PLEKHA4: variants seen among roughly 807,000 people sequenced by gnomAD.
PLEKHA4 encodes the protein pleckstrin homology domain-containing family A member 4.
Under a neutral mutation model 94.7 loss-of-function variants are expected in PLEKHA4, and 73 were observed. The observed-to-expected ratio is 0.77, with a 90% CI of 0.64 to 0.94. The LOEUF (loss-of-function observed/expected upper bound fraction) is 0.94, where lower values mean the gene tolerates loss of function less well. PLEKHA4 is among the 40% of genes least tolerant of loss of function. PLEKHA4 has a pLI of 0.00. For synonymous variants in PLEKHA4, 449 were observed against 437.1 expected (o/e 1.03, Z -0.34); for missense variants, 1,049 against 1,054.1 (o/e 1.00, Z 0.07).
chr19:48,847,054 A>G (rs1054453023), intron 14 of PLEKHA4, among the ~76,000 whole-genome samples: 1 of 151,908 alleles, frequency 6.6e-6, no homozygotes, highest in Non-Finnish European at 1.5e-5. Flanking sequence ...GCTCATTAAC[A>G]TTTTACTTTT....
At chr19:48,862,595 G>A (rs962503272) in intron 3 of PLEKHA4, among the ~76,000 whole-genome samples, 6 of 151,706 alleles carry the variant, frequency 4.0e-5, no homozygotes, top group African/African-American at 7.3e-5. Context: ...TGCAAGCTCC[G>A]CCTCCCGGGT....
chr19:48,846,886 A>T (rs2035989047), intron 14 of PLEKHA4, among the ~76,000 whole-genome samples: 1 of 151,984 alleles, frequency 6.6e-6, no homozygotes, highest in Non-Finnish European at 1.5e-5. Flanking sequence ...GCCATATTTT[A>T]TTTTATTTGA....
intron 3 of PLEKHA4, 51 bp from the exon 4 acceptor site, chr19:48,861,743 G>T: frequency 6.6e-7 from 1 of 1,509,312 alleles, no homozygotes; most frequent in South Asian, 1.1e-5. Context: ...ACAGAAAAAG[G>T]GGATGAAGGC....
intron 6 of PLEKHA4, chr19:48,859,982 T>C (rs762278954): frequency 3.6e-5 from 20 of 562,362 alleles, no homozygotes; most frequent in Admixed American, 2.7e-4. Flanking sequence ...GCCTAAGAGA[T>C]AGTCTGACAT....
In PLEKHA4 at chr19:48,854,114, G is replaced by A. The variant is rs772836878; in HGVS notation, c.1096-27C>T. ...TGGAGAAAGGAGAGCGGGAGCTACT[G>A]ATGGTCCAGATCTGGCTCTTCCCCT... is the stretch of plus-strand genomic sequence containing the variant. On this transcript the variant is annotated intron_variant, in intron 10 of 19. Transcript: ENST00000263265. 3.7e-6 allele frequency: 6 copies of A among 1,614,036 alleles called. No homozygotes were observed. The South Asian group carries it at 6.6e-5, about 18-fold the overall frequency.
intron 18 of PLEKHA4, 97 bp downstream of exon 18, chr19:48,839,108 A>T (rs2035656867): frequency 2.6e-6 from 2 of 761,530 alleles, no homozygotes; most frequent in Non-Finnish European, 4.1e-6. Context: ...TGCGATTTGT[A>T]CTTCCATATT....
At chr19:48,843,483 TTC>T (rs1313821404) in intron 16 of PLEKHA4, among the ~76,000 whole-genome samples, 2 of 150,864 alleles carry the variant, frequency 1.3e-5, no homozygotes, top group Non-Finnish European at 3.0e-5. Flanking sequence ...GCGGTCTTTT[TTC>T]TTTTTTTTTT....
chr19:48,853,701 G>A lies in PLEKHA4; in HGVS notation c.1307C>T (p.Thr436Ile), dbSNP rs748214197. ...LQDRLVSVRA[T>I]LCHLTQERER... ...GCTCACCTGAGTCAAGTGACAGAGG[G>A]TGGCCCTCACACTGACCAGCCGGTC... The change falls in exon 12 of 20, where the codon ACC (threonine) becomes ATC (isoleucine). Residue 436 changes from threonine to isoleucine, a missense_variant. Coordinates refer to ENST00000263265, the MANE Select transcript of PLEKHA4 (RefSeq NM_020904.3). The A allele has an allele frequency of 6.3e-7, 1 of 1,591,672 alleles. No homozygotes were observed. Among genetic ancestry groups the A allele is most frequent in the Non-Finnish European group, 8.5e-7 (1 of 1,171,306 alleles).
chr19:48,839,515 G>A (rs2035672780), intron 17 of PLEKHA4, among the ~76,000 whole-genome samples: 1 of 152,052 alleles, frequency 6.6e-6, no homozygotes, highest in African/African-American at 2.4e-5. Flanking sequence ...TCCCAGGCTT[G>A]GACTAATCCT....
At chr19:48,853,444 AG>A (rs1437153482) in intron 12 of PLEKHA4, among the ~76,000 whole-genome samples, 1 of 151,942 alleles carries the variant, frequency 6.6e-6, no homozygotes, top group Non-Finnish European at 1.5e-5. Context: ...GGTTGCAGTG[AG>A]CTGAGATGGC....
chr19:48,857,366 G>A, intron 9 of PLEKHA4, 56 bp downstream of exon 9: 1 of 725,742 alleles, frequency 1.4e-6, no homozygotes, highest in Non-Finnish European at 2.4e-6. Flanking sequence ...ATTCCTCATA[G>A]AGAAGAAAGG....
chr19:48,844,254 A>C (rs576197192), intron 16 of PLEKHA4: 128 of 166,220 alleles, frequency 7.7e-4, no homozygotes, highest in African/African-American at 2.9e-3. Flanking sequence ...TCCTGGGTTC[A>C]AGCGATTCTC....
rs998368013 is a variant in PLEKHA4 at position 48,866,887 on chromosome 19, A to C, written c.84+650T>G. 5.9e-5 allele frequency among the ~76,000 whole-genome samples: 9 copies of C among 152,214 alleles called. No homozygotes were observed. In the South Asian group the frequency reaches 1.9e-3, roughly 32 times the overall value. On this transcript the variant is annotated intron_variant, in intron 2 of 19. Coordinates refer to ENST00000263265, the MANE Select transcript of PLEKHA4 (RefSeq NM_020904.3). ...CCAAGTACAAGGAGAGGAAGCCTCA[A>C]ATCCCTCCATCCTGCCCGGATGGAG...
intron 9 of PLEKHA4, among the ~76,000 whole-genome samples, 156 bp from the exon 10 acceptor site, chr19:48,854,420 G>A (rs1212493223): frequency 6.6e-6 from 1 of 152,136 alleles, no homozygotes; most frequent in Non-Finnish European, 1.5e-5. Context: ...CCAAGCTGGT[G>A]TGCAGTCGTG....
Position 48,867,400 on chromosome 19 carries a change from A to C in PLEKHA4, c.84+137T>G. The C allele has an allele frequency of 1.0e-6, 1 of 956,092 alleles. No individual in the cohort carries two copies. The highest frequency in any genetic ancestry group is 2.6e-5 in the East Asian group (1 of 37,780). 59.2% of individuals were successfully genotyped at this position (956,092 alleles called of 1,614,324 possible). On this transcript the variant is annotated intron_variant, in intron 2 of 19. Transcript: ENST00000263265. The surrounding 1 kb of genome is among the most constrained non-coding windows in gnomAD (Gnocchi z 4.7). Reference sequence around the variant, plus strand: ...GAATTCCTAGCTGCGGTGTGTAGGCAATTTGGGACCTTACTATGTCTGGCA... The same window carrying C: ...GAATTCCTAGCTGCGGTGTGTAGGCCATTTGGGACCTTACTATGTCTGGCA...
chr19:48,854,620 G>A (rs1034572840), intron 9 of PLEKHA4, among the ~76,000 whole-genome samples: 1 of 151,536 alleles, frequency 6.6e-6, no homozygotes, highest in African/African-American at 2.4e-5. Flanking sequence ...TCAAACTCCT[G>A]GGCTCAAGCA....
chr19:48,864,856 C>A (rs527688246), intron 3 of PLEKHA4, among the ~76,000 whole-genome samples: 2 of 152,352 alleles, frequency 1.3e-5, no homozygotes, highest in African/African-American at 4.8e-5. Flanking sequence ...CACCACTGAA[C>A]CTGGACCCTA....
chr19:48,849,246 G>GAGC (rs1292899907), intron 13 of PLEKHA4, among the ~76,000 whole-genome samples: 4 of 151,944 alleles, frequency 2.6e-5, no homozygotes, highest in African/African-American at 7.3e-5. Flanking sequence ...GATCTAGTGG[G>GAGC]AGCAGCTTAG....
chr19:48,868,413 C>T lies in PLEKHA4; in HGVS notation c.-337G>A, dbSNP rs1296674413. 6.6e-6 allele frequency: 1 copy of T among 151,194 alleles called. No individual in the cohort carries two copies. Among genetic ancestry groups the T allele is most frequent in the African/African-American group, 2.5e-5 (1 of 40,790 alleles). 9.4% of individuals were successfully genotyped at this position (151,194 alleles called of 1,614,324 possible). On this transcript the variant is annotated 5_prime_UTR_variant, in exon 1 of 20. Transcript: ENST00000263265. ...TCTGTCCAAATCTTTTATTGTCAGA[C>T]TCACAGGGTCTCTTCCTTAAGTCTC...
Sources: allele counts gnomAD v4.1 joint callset (sites outside exome capture counted in the v4.1 genomes callset), GRCh38; gene constraint gnomAD v4.1.1; non-coding constraint Gnocchi (gnomAD v3.1); transcripts MANE v1.5; gene names NCBI Gene and HGNC (gene_info 2026-07-23, HGNC 2026-07-21).